EYS: variants seen among roughly 807,000 people sequenced by gnomAD.
The protein encoded by EYS is protein eyes shut homolog.
Under a neutral mutation model 282.1 loss-of-function variants are expected in EYS, and 250 were observed. The observed-to-expected ratio is 0.89, with a 90% CI of 0.80 to 0.98. The LOEUF (loss-of-function observed/expected upper bound fraction) is 0.98, where lower values mean the gene tolerates loss of function less well. EYS is among the 50% of genes least tolerant of loss of function. The probability of loss-of-function intolerance (pLI) is 0.00; values close to 1 mark genes in which losing one functional copy is unlikely to be tolerated. For synonymous variants in EYS, 1,355 were observed against 1,282.9 expected (o/e 1.06, Z -1.20); for missense variants, 4,016 against 3,709.0 (o/e 1.08, Z -2.15).
At chr6:64,645,923 ATTC>A (rs1471013732) in intron 22 of EYS, among the ~76,000 whole-genome samples, 1 of 152,228 alleles carries the variant, frequency 6.6e-6, no homozygotes, top group Non-Finnish European at 1.5e-5. Context: ...ACAGCTTGCT[ATTC>A]TTATCACAAA....
intron 1 of EYS, among the ~76,000 whole-genome samples, chr6:65,706,223 T>A (rs923884667): frequency 1.1e-4 from 16 of 151,816 alleles, no homozygotes; most frequent in Non-Finnish European, 2.1e-4. Flanking sequence ...TGAGTATATA[T>A]ATCAATAGTT....
chr6:64,069,346 ATATT>A (rs1562184229), intron 32 of EYS, among the ~76,000 whole-genome samples: 1 of 151,986 alleles, frequency 6.6e-6, no homozygotes, highest in African/African-American at 2.4e-5. Context: ...GAATTTTCAG[ATATT>A]TATTTGTGGA....
chr6:65,120,778 CCTTTT>C (rs1345500305), intron 12 of EYS, among the ~76,000 whole-genome samples: 2 of 152,110 alleles, frequency 1.3e-5, no homozygotes, highest in African/African-American at 4.8e-5. Flanking sequence ...TTCCCCATCT[CCTTTT>C]ATCAATCCCA....
intron 23 of EYS, among the ~76,000 whole-genome samples, chr6:64,622,635 T>C (rs184266377): frequency 1.7e-4 from 26 of 152,278 alleles, no homozygotes; most frequent in Non-Finnish European, 2.9e-4. Flanking sequence ...ACCATGGAGT[T>C]GTTGTTAGAT....
chr6:64,657,715 G>T (rs534462858), intron 22 of EYS, among the ~76,000 whole-genome samples: 4 of 152,222 alleles, frequency 2.6e-5, no homozygotes, highest in African/African-American at 9.6e-5. Flanking sequence ...AGTTTCTGCC[G>T]AGAGATCAGC....
In EYS at chr6:65,684,388, G is replaced by A. The variant is rs146734395; in HGVS notation, c.-448+22747C>T. On this transcript the variant is annotated intron_variant, in intron 1 of 42. Coordinates refer to ENST00000503581, the MANE Select transcript of EYS (RefSeq NM_001142800.2). ...CTTCCTCTGTCAGATGGTGGGAGGG[G>A]GTCCTTTTCCTAAAGCCAAACGTGG... Among the ~76,000 whole-genome samples the A allele has an allele frequency of 9.2e-5, 14 of 152,060 alleles. No homozygotes were observed. The East Asian group carries it at 2.7e-3, about 30-fold the overall frequency.
chr6:65,608,826 C>T (rs1582513922), intron 2 of EYS, among the ~76,000 whole-genome samples: 1 of 151,934 alleles, frequency 6.6e-6, no homozygotes, highest in Non-Finnish European at 1.5e-5. Context: ...TTAGTCTATG[C>T]CTACAAAGTG....
intron 5 of EYS, among the ~76,000 whole-genome samples, chr6:65,457,173 ATTT>A (rs1009740310): frequency 1.3e-5 from 2 of 151,506 alleles, no homozygotes; most frequent in Non-Finnish European, 2.9e-5. Context: ...TGTTTTATTT[ATTT>A]ATTTTTTTAG....
At chr6:65,332,393 TG>T in intron 11 of EYS, 1 of 1,187,642 alleles carries the variant, frequency 8.4e-7, no homozygotes, top group Non-Finnish European at 1.2e-6. Context: ...GAATTTGGTG[TG>T]GTATCACCGT....
At chr6:65,009,602 CA>C (rs1771800823) in intron 13 of EYS, among the ~76,000 whole-genome samples, 1 of 152,160 alleles carries the variant, frequency 6.6e-6, no homozygotes, top group Non-Finnish European at 1.5e-5. Context: ...AGATAGCCCC[CA>C]TCTATTAGGC....
chr6:63,848,234 T>C (rs1772150277), intron 36 of EYS, among the ~76,000 whole-genome samples: 1 of 152,178 alleles, frequency 6.6e-6, no homozygotes, highest in African/African-American at 2.4e-5. Context: ...TCTGCATCCA[T>C]AGTCTTAAAC....
chr6:65,512,344 T>C (rs1766917901), intron 2 of EYS, among the ~76,000 whole-genome samples: 1 of 151,444 alleles, frequency 6.6e-6, no homozygotes, highest in Non-Finnish European at 1.5e-5. Flanking sequence ...TACAAAAAAT[T>C]AGCCGGGTGT....
At chr6:64,152,107 G>T (rs963767767) in intron 31 of EYS, among the ~76,000 whole-genome samples, 1 of 151,760 alleles carries the variant, frequency 6.6e-6, no homozygotes, top group African/African-American at 2.4e-5. Context: ...TTTTTATCTT[G>T]TTTACTCGAA....
chr6:63,892,068 G>C (rs1257937219), intron 35 of EYS, among the ~76,000 whole-genome samples: 1 of 151,828 alleles, frequency 6.6e-6, no homozygotes, highest in Non-Finnish European at 1.5e-5. Context: ...CACTGCTCAA[G>C]GAAATAAGAG....
At chr6:64,173,074 T>C (rs565369445) in intron 31 of EYS, among the ~76,000 whole-genome samples, 2 of 152,304 alleles carry the variant, frequency 1.3e-5, no homozygotes, top group African/African-American at 2.4e-5. Context: ...AGAGGAACAC[T>C]ACACGGATAA....
At chr6:65,549,250 A>G (rs1426697697) in intron 2 of EYS, among the ~76,000 whole-genome samples, 1 of 152,216 alleles carries the variant, frequency 6.6e-6, no homozygotes, top group African/African-American at 2.4e-5. Flanking sequence ...CTAATTTTAT[A>G]GCAGGCAATG....
intron 12 of EYS, among the ~76,000 whole-genome samples, chr6:65,073,757 A>G (rs976027976): frequency 2.0e-5 from 3 of 151,962 alleles, no homozygotes; most frequent in African/African-American, 7.2e-5. Flanking sequence ...TATTATGCAG[A>G]AGATGTTAAG....
chr6:64,613,731 C>A (rs150871008), intron 24 of EYS, among the ~76,000 whole-genome samples: 23 of 152,140 alleles, frequency 1.5e-4, no homozygotes, highest in African/African-American at 5.5e-4. Context: ...ACAGGGGAGC[C>A]CACTCTTAGG....
chr6:65,550,076 G>A (rs1345032995), intron 2 of EYS, among the ~76,000 whole-genome samples: 3 of 149,696 alleles, frequency 2.0e-5, no homozygotes, highest in Non-Finnish European at 4.5e-5. Flanking sequence ...TTTTCACTGA[G>A]CCCTTTTGTA....
Sources: allele counts gnomAD v4.1 joint callset (sites outside exome capture counted in the v4.1 genomes callset), GRCh38; gene constraint gnomAD v4.1.1; transcripts MANE v1.5; gene names NCBI Gene and HGNC (gene_info 2026-07-23, HGNC 2026-07-21).